LHPP: variants seen among roughly 807,000 people sequenced by gnomAD.
The protein encoded by LHPP is hLHPP.
A neutral mutation model predicts 30.3 loss-of-function variants in LHPP; 24 were observed. The ratio of observed to expected loss-of-function variants is 0.79; its 90% CI spans 0.57 to 1.11. LHPP has a LOEUF of 1.11. Ranked by LOEUF, LHPP falls within the 50% of genes most tolerant of loss-of-function variation. The pLI is 0.00. For missense variants in LHPP, 356 were observed against 367.2 expected (o/e 0.97, Z 0.25); for synonymous variants, 150 against 157.1 (o/e 0.95, Z 0.34).
rs752899138 is a variant in LHPP at position 124,613,249 on chromosome 10, G to A, written c.717-15G>A. ...AGCGTGGGGGCACTGACTAACCTCC[G>A]GCCATCCTCTCCAGGCCCAGTGACG... On this transcript the variant is annotated splice_polypyrimidine_tract_variant and intron_variant, in intron 6 of 6. Coordinates refer to ENST00000368842, the MANE Select transcript of LHPP (RefSeq NM_022126.4). The A allele has an allele frequency of 1.2e-5, 19 of 1,606,280 alleles. No individual in the cohort carries two copies. The highest frequency in any genetic ancestry group is 1.2e-4 in the Admixed American group (7 of 59,986).
intron 5 of LHPP, among the ~76,000 whole-genome samples, chr10:124,501,625 A>G (rs966431209): frequency 3.3e-5 from 5 of 150,016 alleles, no homozygotes; most frequent in African/African-American, 1.3e-4. Flanking sequence ...AAAAAAAGAA[A>G]AATATTCTGG....
At chr10:124,544,454 A>G (rs1465936251) in intron 6 of LHPP, among the ~76,000 whole-genome samples, 3 of 152,320 alleles carry the variant, frequency 2.0e-5, no homozygotes, top group Non-Finnish European at 2.9e-5. Flanking sequence ...GGCAGGCTCC[A>G]GTGTCCACTC....
At chr10:124,544,510 C>T (rs559992116) in intron 6 of LHPP, among the ~76,000 whole-genome samples, 72 of 151,390 alleles carry the variant, frequency 4.8e-4, no homozygotes, top group African/African-American at 1.7e-3. Context: ...CACAGGGGAG[C>T]AGGCGTGCTC....
At chr10:124,583,821 G>T (rs1306266726) in intron 6 of LHPP, among the ~76,000 whole-genome samples, 3 of 152,162 alleles carry the variant, frequency 2.0e-5, no homozygotes, top group Non-Finnish European at 4.4e-5. Context: ...AGATTTGGGT[G>T]GGGACAAATA....
At chr10:124,611,216 T>G (rs1949193666) in intron 6 of LHPP, among the ~76,000 whole-genome samples, 1 of 152,002 alleles carries the variant, frequency 6.6e-6, no homozygotes, top group African/African-American at 2.4e-5. Context: ...GCAACTGCCC[T>G]TTGCTGGAAG....
At chr10:124,544,995 C>T (rs1955297917) in intron 6 of LHPP, among the ~76,000 whole-genome samples, 1 of 152,180 alleles carries the variant, frequency 6.6e-6, no homozygotes, top group Non-Finnish European at 1.5e-5. Flanking sequence ...GGGTGTCTCC[C>T]TGTCTCTGCC....
chr10:124,560,538 C>T (rs1479549955), intron 6 of LHPP, among the ~76,000 whole-genome samples: 3 of 152,236 alleles, frequency 2.0e-5, no homozygotes, highest in African/African-American at 7.2e-5. Flanking sequence ...GCTCAGGGAG[C>T]GCCGTGGCCT....
intron 6 of LHPP, among the ~76,000 whole-genome samples, chr10:124,534,725 G>A (rs1385053054): frequency 6.6e-6 from 1 of 152,220 alleles, no homozygotes; most frequent in Non-Finnish European, 1.5e-5. Flanking sequence ...CGCTCTCGGG[G>A]CTTCGGGCTG....
chr10:124,479,587 G>A (rs1589768542), intron 1 of LHPP, among the ~76,000 whole-genome samples: 1 of 147,072 alleles, frequency 6.8e-6, no homozygotes, highest in Non-Finnish European at 1.5e-5. Context: ...TTTCTGGTGA[G>A]GCCCCTTTTC....
At chr10:124,519,210 A>G (rs1256513415) in intron 6 of LHPP, among the ~76,000 whole-genome samples, 1 of 152,222 alleles carries the variant, frequency 6.6e-6, no homozygotes, top group East Asian at 1.9e-4. Context: ...TTCCTCCGGA[A>G]GTGCTGGGAT....
rs975163837 is a variant in LHPP, at chr10:124,592,465, G to A, written c.717-20799G>A. On this transcript the variant is annotated intron_variant, in intron 6 of 6. Coordinates refer to ENST00000368842, the MANE Select transcript of LHPP (RefSeq NM_022126.4). The surrounding 1 kb of genome is among the most constrained non-coding windows in gnomAD (Gnocchi z 6.2). ...TCACTGGCGGGGAAAATGAGTCACT[G>A]GGGCATTCCCCGAACTTGGGAAAAG... Among the ~76,000 whole-genome samples, 5 of 152,190 alleles carry A rather than the reference G, an allele frequency of 3.3e-5. No homozygotes were observed. Among genetic ancestry groups the A allele is most frequent in the African/African-American group, 1.2e-4 (5 of 41,448 alleles).
chr10:124,572,094 C>T (rs888447178), intron 6 of LHPP, among the ~76,000 whole-genome samples: 2 of 152,262 alleles, frequency 1.3e-5, no homozygotes, highest in South Asian at 2.1e-4. Flanking sequence ...CAGGGAGAGG[C>T]CAGGGCTGGC....
intron 6 of LHPP, among the ~76,000 whole-genome samples, chr10:124,522,725 C>G (rs10901747): frequency 1.8e-4 from 27 of 148,688 alleles, no homozygotes; most frequent in Admixed American, 4.6e-4. Flanking sequence ...CTGCCCACGC[C>G]CCCCCCCAAG....
intron 6 of LHPP, among the ~76,000 whole-genome samples, chr10:124,587,981 A>G (rs900089957): frequency 5.9e-5 from 9 of 152,178 alleles, no homozygotes; most frequent in African/African-American, 2.2e-4. Flanking sequence ...GCCGTGATAA[A>G]CACAGCCTCA....
At chr10:124,463,304 C>T (rs1952458935) in intron 1 of LHPP, among the ~76,000 whole-genome samples, 1 of 151,582 alleles carries the variant, frequency 6.6e-6, no homozygotes. Flanking sequence ...TGTTGGACTG[C>T]ATTGGTTTAG....
chr10:124,525,548 G>A (rs924024063), intron 6 of LHPP, among the ~76,000 whole-genome samples: 3 of 152,224 alleles, frequency 2.0e-5, no homozygotes, highest in Middle Eastern at 3.2e-3. Context: ...AGTCCCGGAC[G>A]CTGGGCCTCC....
chr10:124,547,487 G>A (rs2133953831), intron 6 of LHPP, among the ~76,000 whole-genome samples: 1 of 152,370 alleles, frequency 6.6e-6, no homozygotes, highest in Middle Eastern at 3.4e-3. Flanking sequence ...CACCCACAGA[G>A]GTGTGAGCAT....
intron 6 of LHPP, among the ~76,000 whole-genome samples, chr10:124,530,790 G>A (rs916326073): frequency 1.3e-5 from 2 of 152,200 alleles, no homozygotes; most frequent in Admixed American, 1.3e-4. Flanking sequence ...GGGTGCAGAC[G>A]ATGAGCATGG....
At position 124,484,322 on chromosome 10, in the gene LHPP, T is replaced by C. The variant is rs780563358; in HGVS notation, c.309T>C (p.His103=). ...GCCTGCGACCATACCTGCTCATCCA[T>C]GACGGTAGGCCTGTCGGACACCAGG... The part of the protein sequence containing the change: ...EQGLRPYLLI[H]DGVRSEFDQI... Residue 103 remains histidine (H), a synonymous_variant, in exon 2 of 7, where the codon CAT becomes CAC. Transcript: ENST00000368842. The C allele has an allele frequency of 1.2e-6, 2 of 1,612,100 alleles. No individual in the cohort carries two copies. The highest frequency in any genetic ancestry group is 1.7e-6 in the Non-Finnish European group (2 of 1,178,534).
Sources: allele counts gnomAD v4.1 joint callset (sites outside exome capture counted in the v4.1 genomes callset), GRCh38; gene constraint gnomAD v4.1.1; non-coding constraint Gnocchi (gnomAD v3.1); transcripts MANE v1.5; gene names NCBI Gene and HGNC (gene_info 2026-07-23, HGNC 2026-07-21).